Variants in DDR2 observed in about 807,000 individuals in gnomAD.
The protein encoded by DDR2 is discoidin domain receptor tyrosine kinase 2.
Under a neutral mutation model 94.9 loss-of-function variants are expected in DDR2, and 27 were observed. The observed-to-expected ratio is 0.28, with a 90% CI of 0.21 to 0.39. The LOEUF (loss-of-function observed/expected upper bound fraction) is 0.39. Ranked by LOEUF, DDR2 falls within the 10% of genes least tolerant of loss-of-function variation. The pLI, the probability that DDR2 is intolerant of heterozygous loss-of-function variation, is 1.00. For missense variants in DDR2, 783 were observed against 1,076.0 expected (o/e 0.73, Z 3.81); for synonymous variants, 382 against 377.2 (o/e 1.01, Z -0.15).
At chr1:162,721,144 G>T (rs1047728070) in intron 3 of DDR2, among the ~76,000 whole-genome samples, 1 of 152,160 alleles carries the variant, frequency 6.6e-6, no homozygotes, top group African/African-American at 2.4e-5. Context: ...TGCTGTGAGT[G>T]CATGGAATGG....
chr1:162,782,096 T>A lies in DDR2; in HGVS notation c.*1850T>A, dbSNP rs1485767672. 1.3e-5 allele frequency: 2 copies of A among 152,242 alleles called. No homozygotes were observed. The highest frequency in any genetic ancestry group is 4.8e-5 in the African/African-American group (2 of 41,462). 9.4% of individuals were successfully genotyped at this position (152,242 alleles called of 1,614,324 possible). A position where few individuals can be genotyped will look rare whatever the true frequency, so the allele number is the denominator to read the frequency against. ...TTTGGGCTTTAGTCTATCCCAGGAC[T>A]AACTGTGGAGAAATCATTGGTTTGA... On this transcript the variant is annotated 3_prime_UTR_variant, in exon 18 of 18. Coordinates refer to ENST00000367921, the MANE Select transcript of DDR2 (RefSeq NM_006182.4).
chr1:162,747,227 G>A (rs568627486), intron 3 of DDR2, among the ~76,000 whole-genome samples: 1 of 152,286 alleles, frequency 6.6e-6, no homozygotes, highest in East Asian at 1.9e-4. Flanking sequence ...CTCCAAGGAA[G>A]TTTGGAGGAT....
intron 2 of DDR2, among the ~76,000 whole-genome samples, chr1:162,712,864 A>G (rs752155082): frequency 3.9e-5 from 6 of 152,176 alleles, no homozygotes; most frequent in Non-Finnish European, 8.8e-5. Flanking sequence ...CAAGCAAGTC[A>G]AAATTAATCT....
chr1:162,767,266 C>T lies in DDR2; in HGVS notation c.1200C>T (p.Ile400=), dbSNP rs866778113. 6.2e-7 allele frequency: 1 copy of T among 1,614,126 alleles called. No homozygotes were observed. The highest frequency in any genetic ancestry group is 1.7e-5 in the Admixed American group (1 of 60,012). ...AAGTTGATGACAGCAACACTCGGATCCTGATTGGCTGCTTGGTGGCCATCA... is the reference window on the plus strand; with the variant it reads ...AAGTTGATGACAGCAACACTCGGATTCTGATTGGCTGCTTGGTGGCCATCA... ...MLKVDDSNTR[I]LIGCLVAIIF... The change falls in exon 11 of 18, where the codon ATC becomes ATT. Residue 400 remains isoleucine (I), a synonymous_variant. Transcript: ENST00000367921.
intron 16 of DDR2, among the ~76,000 whole-genome samples, chr1:162,776,721 A>G (rs17434796): frequency 0.049 from 7,494 of 152,252 alleles, 221 homozygotes; most frequent in Admixed American, 0.067. Context: ...CTTCTCCATT[A>G]GTTTCATAAG....
chr1:162,785,730 T>C lies in DDR2; in HGVS notation c.*5484T>C, dbSNP rs972718566. 1.3e-5 allele frequency: 2 copies of C among 152,212 alleles called. No individual in the cohort carries two copies. The highest frequency in any genetic ancestry group is 6.5e-5 in the Admixed American group (1 of 15,272). The allele number at this position is 152,212 out of a possible 1,614,324, so 9.4% of individuals were successfully genotyped here. ...AGGGAGAATTGTTTTGCTTGTAACA[T>C]GGAGAGTTTATTTTCAAGTGAGGAA... is the stretch of plus-strand genomic sequence containing the variant. On this transcript the variant is annotated 3_prime_UTR_variant, in exon 18 of 18. Coordinates refer to ENST00000367921, the MANE Select transcript of DDR2 (RefSeq NM_006182.4).
At chr1:162,716,572 A>G (rs16843872) in intron 2 of DDR2, among the ~76,000 whole-genome samples, 4,550 of 152,296 alleles carry the variant, frequency 0.03, 115 homozygotes, top group East Asian at 0.15. Context: ...ATCAATTGCT[A>G]TGAAACTATG....
At chr1:162,659,492 G>T (rs947046007) in intron 2 of DDR2, among the ~76,000 whole-genome samples, 3 of 152,156 alleles carry the variant, frequency 2.0e-5, no homozygotes, top group African/African-American at 7.2e-5. Flanking sequence ...TGTCTACTTG[G>T]GGCAGAGGAT....
intron 1 of DDR2, among the ~76,000 whole-genome samples, chr1:162,654,597 A>G (rs938880457): frequency 2.6e-5 from 4 of 152,318 alleles, no homozygotes; most frequent in African/African-American, 9.6e-5. Context: ...TGCGGTGGAA[A>G]TGAGACTCAC....
chr1:162,763,419 G>A (rs1017623457), intron 9 of DDR2, among the ~76,000 whole-genome samples: 5 of 120,248 alleles, frequency 4.2e-5, no homozygotes, highest in Non-Finnish European at 6.4e-5. Context: ...GGCTGGTCTC[G>A]AACTCCCAAC....
chr1:162,775,289 T>G (rs185818638), intron 14 of DDR2, among the ~76,000 whole-genome samples: 1 of 151,844 alleles, frequency 6.6e-6, no homozygotes, highest in Admixed American at 6.6e-5. Flanking sequence ...CTCGTGCACT[T>G]AAGATATGAT....
intron 2 of DDR2, among the ~76,000 whole-genome samples, chr1:162,662,975 G>A (rs55660543): frequency 2.0e-5 from 3 of 152,226 alleles, no homozygotes; most frequent in Non-Finnish European, 4.4e-5. Context: ...CAGCAAGCTC[G>A]ATGTCTCTGC....
chr1:162,739,817 A>C (rs762487897), intron 3 of DDR2, among the ~76,000 whole-genome samples: 21 of 152,222 alleles, frequency 1.4e-4, no homozygotes, highest in Non-Finnish European at 2.2e-4. Context: ...TGATAGTAAA[A>C]TATGTGAGAA....
At chr1:162,759,650 A>G in intron 7 of DDR2, 146 bp from the exon 8 acceptor site, 1 of 913,286 alleles carries the variant, frequency 1.1e-6, no homozygotes, top group Non-Finnish European at 1.7e-6. Flanking sequence ...CTATAATGCA[A>G]ATCTGATTAT....
intron 1 of DDR2, among the ~76,000 whole-genome samples, chr1:162,644,105 T>C (rs1401070178): frequency 1.3e-5 from 2 of 152,244 alleles, no homozygotes; most frequent in Non-Finnish European, 2.9e-5. Flanking sequence ...GGAAATAAGC[T>C]AATATTTGGT....
intron 3 of DDR2, among the ~76,000 whole-genome samples, chr1:162,741,261 A>G (rs879338264): frequency 6.7e-4 from 83 of 124,758 alleles, no homozygotes; most frequent in African/African-American, 1.8e-3. Flanking sequence ...ATGTAATGTA[A>G]TGTAATATAA....
At chr1:162,676,090 AGT>A (rs367810569) in intron 2 of DDR2, among the ~76,000 whole-genome samples, 24 of 151,142 alleles carry the variant, frequency 1.6e-4, no homozygotes, top group East Asian at 3.9e-4. Flanking sequence ...GGTGATTTGA[AGT>A]GTGTGTGTGT....
intron 8 of DDR2, among the ~76,000 whole-genome samples, chr1:162,760,535 TAGATATATGTATATACATATACAACTAG>T (rs1663675213): frequency 1.2e-5 from 1 of 86,414 alleles, no homozygotes; most frequent in Non-Finnish European, 2.3e-5. Flanking sequence ...CATATACAAC[TAGATATATGTATATACATATACAACTAG>T]ATATATGTAT....
At chr1:162,634,671 C>T (rs866114808) in intron 1 of DDR2, among the ~76,000 whole-genome samples, 1 of 152,224 alleles carries the variant, frequency 6.6e-6, no homozygotes, top group Admixed American at 6.5e-5. Context: ...GTCTTAAATT[C>T]TGTCTCTTAA....
Sources: allele counts gnomAD v4.1 joint callset (sites outside exome capture counted in the v4.1 genomes callset), GRCh38; gene constraint gnomAD v4.1.1; transcripts MANE v1.5; gene names NCBI Gene and HGNC (gene_info 2026-07-23, HGNC 2026-07-21).